Variants in NOL4L observed in about 807,000 individuals in gnomAD.
NOL4L encodes the protein nucleolar protein 4 like, also known as nucleolar protein 4-like.
A neutral mutation model predicts 64.5 loss-of-function variants in NOL4L; 7 were observed. The ratio of observed to expected loss-of-function variants is 0.11; its 90% confidence interval spans 0.06 to 0.20. The LOEUF is 0.20. Among genes scored for constraint, NOL4L ranks in the 10% least tolerant of loss-of-function variants. The pLI, the probability that NOL4L is intolerant of heterozygous loss-of-function variation, is 1.00. For synonymous variants in NOL4L, 413 were observed against 401.0 expected, an observed-to-expected ratio of 1.03 and a Z score of -0.36; for missense variants, 680 against 967.1, an observed-to-expected ratio of 0.70 and a Z score of 3.94.
At chr20:32,509,517 C>CAAAAAAA (rs71338441) in intron 4 of NOL4L, among the ~76,000 whole-genome samples, 23 of 62,774 alleles carry the variant, frequency 3.7e-4, no homozygotes, top group African/African-American at 8.8e-4. Flanking sequence ...GACTCTGCCT[C>CAAAAAAA]AAAAAAAAAA....
At chr20:32,496,409 A>G (rs1036828846) in intron 4 of NOL4L, among the ~76,000 whole-genome samples, 4 of 151,788 alleles carry the variant, frequency 2.6e-5, no homozygotes, top group Non-Finnish European at 5.9e-5. Flanking sequence ...TGCCTTGTTT[A>G]TCATCTCCAG....
intron 4 of NOL4L, 148 bp from the exon 5 acceptor site, chr20:32,474,890 T>C: frequency 7.0e-7 from 1 of 1,426,562 alleles, no homozygotes; most frequent in African/African-American, 1.4e-5. Context: ...GAGGGCTGGG[T>C]GGTGCTCCCC....
At chr20:32,528,729 G>A (rs977602638) in intron 1 of NOL4L, among the ~76,000 whole-genome samples, 4 of 152,218 alleles carry the variant, frequency 2.6e-5, no homozygotes, top group Admixed American at 6.5e-5. Context: ...GCCAGGGCCC[G>A]GAAGGGAACG....
At chr20:32,525,207 C>A (rs1303578506) in intron 2 of NOL4L, among the ~76,000 whole-genome samples, 1 of 152,236 alleles carries the variant, frequency 6.6e-6, no homozygotes, top group Non-Finnish European at 1.5e-5. Context: ...AGCATGGAGG[C>A]CGCAGACCCC....
chr20:32,530,692 C>T (rs2018314728), intron 1 of NOL4L, among the ~76,000 whole-genome samples: 1 of 152,180 alleles, frequency 6.6e-6, no homozygotes, highest in Non-Finnish European at 1.5e-5. Context: ...GAGGCCCAGG[C>T]AGCCAGATCA....
Position 32,453,431 on chromosome 20 carries a change from T to A in NOL4L, c.1370A>T (p.Lys457Met). 1 of 1,614,092 alleles carries A rather than the reference T, an allele frequency of 6.2e-7. No individual in the cohort carries two copies. The highest frequency in any genetic ancestry group is 8.5e-7 in the Non-Finnish European group (1 of 1,180,016). Reference sequence around the variant, plus strand: ...CTCGATGATGGCCTGGATCTTCTCCTTGGGCTGCTTGGAGATGGGCACCAT... The same window carrying A: ...CTCGATGATGGCCTGGATCTTCTCCATGGGCTGCTTGGAGATGGGCACCAT... The part of the protein sequence containing the change: ...DRMVPISKQP[K>M]EKIQAIIESC... Residue 457 changes from lysine to methionine, a missense_variant, in exon 8 of 11, where the codon AAG becomes ATG. Physicochemically the swap from Lys to Met is moderately conservative, Grantham distance 95. Coordinates refer to ENST00000621426, the MANE Select transcript of NOL4L (RefSeq NM_001256798.2). This position sits in a 1 kb window ranked among gnomAD's most constrained non-coding sequence, Gnocchi z 5.6.
At chr20:32,531,903 C>A (rs1731806302) in intron 1 of NOL4L, among the ~76,000 whole-genome samples, 1 of 152,180 alleles carries the variant, frequency 6.6e-6, no homozygotes, top group Non-Finnish European at 1.5e-5. Context: ...GTAACACCCA[C>A]CATCAGAAGA....
chr20:32,488,740 T>TTC, intron 4 of NOL4L, among the ~76,000 whole-genome samples: 1 of 150,868 alleles, frequency 6.6e-6, no homozygotes, highest in Non-Finnish European at 1.5e-5. Flanking sequence ...TTCTTTTCTT[T>TTC]CTTTCTTTTC....
rs1378928982 is a variant in NOL4L at position 32,578,139 on chromosome 20, G to GGAAGGAAGGAGGGAGGGAGA, written c.321+6430_321+6431insTCTCCCTCCCTCCTTCCTTC. ...AGGAAGGAAGGAAGGAAGGAAGGAA[G>GGAAGGAAGGAGGGAGGGAGA]GAGGGAGGGAGGGAGGGAGGGAGGG... On this transcript the variant is annotated intron_variant, in intron 1 of 10. Transcript: ENST00000621426. Among the ~76,000 whole-genome samples the GGAAGGAAGGAGGGAGGGAGA allele has an allele frequency of 3.7e-3, 263 of 70,682 alleles. 2 individuals carry two copies. The highest frequency in any genetic ancestry group is 0.025 in the African/African-American group (254 of 10,360). 46.4% of individuals were successfully genotyped at this position (70,682 alleles called of 152,430 possible). A position where few individuals can be genotyped will look rare whatever the true frequency, so the allele number is the denominator to read the frequency against.
rs551213247 is a variant in NOL4L at position 32,509,842 on chromosome 20, C to T, written c.699+1505G>A. The T allele has an allele frequency of 2.1e-5, 28 of 1,304,026 alleles. No homozygotes were observed. The East Asian group carries it at 2.8e-4, about 13-fold the overall frequency. 80.8% of individuals were successfully genotyped at this position (1,304,026 alleles called of 1,614,324 possible). On this transcript the variant is annotated intron_variant, in intron 4 of 10. Transcript: ENST00000621426. The stretch of plus-strand genomic sequence containing the variant: ...AAACAAAACCAGGGGGCTGTGCTTC[C>T]GGCTGTTTGTGCGGTTTTGTGCTTC...
At chr20:32,563,167 GGAGGGAGGGA>G (rs1166273176) in intron 1 of NOL4L, among the ~76,000 whole-genome samples, 1 of 19,948 alleles carries the variant, frequency 5.0e-5, no homozygotes, top group Admixed American at 5.7e-4. Context: ...CAGGGAGGGT[GGAGGGAGGGA>G]GAGTGGGGAG....
At chr20:32,502,292 T>C (rs1386173138) in intron 4 of NOL4L, among the ~76,000 whole-genome samples, 3 of 152,160 alleles carry the variant, frequency 2.0e-5, no homozygotes, top group African/African-American at 7.2e-5. Context: ...CTATATGATT[T>C]TAAAAAATGT....
intron 1 of NOL4L, among the ~76,000 whole-genome samples, chr20:32,530,637 CTT>C (rs1465428556): frequency 1.3e-5 from 2 of 151,738 alleles, no homozygotes; most frequent in African/African-American, 4.8e-5. Context: ...AATCTTAACA[CTT>C]GGCCGGGAAT....
chr20:32,531,470 G>A (rs913192787), intron 1 of NOL4L, among the ~76,000 whole-genome samples: 6 of 150,844 alleles, frequency 4.0e-5, no homozygotes, highest in Admixed American at 2.0e-4. Context: ...CTCCTGCCTC[G>A]GCCTCCCAAG....
intron 4 of NOL4L, chr20:32,485,475 G>T (rs2016050950): frequency 3.6e-6 from 1 of 277,994 alleles, no homozygotes; most frequent in Non-Finnish European, 7.2e-6. Context: ...TTCCGCACAT[G>T]CTCAAGACTC....
intron 5 of NOL4L, among the ~76,000 whole-genome samples, chr20:32,465,495 A>C (rs573042509): frequency 6.6e-6 from 1 of 152,338 alleles, no homozygotes; most frequent in South Asian, 2.1e-4. Context: ...AAGCGCTCCC[A>C]GGATGAACTG....
intron 4 of NOL4L, among the ~76,000 whole-genome samples, chr20:32,499,070 G>T (rs2145533377): frequency 6.6e-6 from 1 of 152,166 alleles, no homozygotes; most frequent in Non-Finnish European, 1.5e-5. Context: ...GTAGAGACGG[G>T]GCTTCACCAT....
At chr20:32,510,843 G>A (rs1160045749) in intron 4 of NOL4L, among the ~76,000 whole-genome samples, 1 of 152,132 alleles carries the variant, frequency 6.6e-6, no homozygotes, top group Admixed American at 6.5e-5. Flanking sequence ...TTTCCATGGT[G>A]TCTCACGGCC....
At chr20:32,558,396 T>C (rs1038479459) in intron 1 of NOL4L, among the ~76,000 whole-genome samples, 3 of 152,174 alleles carry the variant, frequency 2.0e-5, no homozygotes, top group African/African-American at 4.8e-5. Context: ...CATGAAACAT[T>C]CCGTCATGGG....
Sources: allele counts gnomAD v4.1 joint callset (sites outside exome capture counted in the v4.1 genomes callset), GRCh38; gene constraint gnomAD v4.1.1; non-coding constraint Gnocchi (gnomAD v3.1); transcripts MANE v1.5; gene names NCBI Gene and HGNC (gene_info 2026-07-23, HGNC 2026-07-21).